DNAH12: variants seen among roughly 807,000 people sequenced by gnomAD.
DNAH12 encodes the protein dynein axonemal heavy chain 12, also known as axonemal beta dynein heavy chain 12.
Under a neutral mutation model 371.5 loss-of-function variants are expected in DNAH12, and 285 were observed. The observed-to-expected ratio is 0.77, with a 90% CI of 0.70 to 0.85. DNAH12 has a LOEUF of 0.85. Ranked by LOEUF, DNAH12 falls within the 40% of genes least tolerant of loss-of-function variation. The pLI, the probability that DNAH12 is intolerant of heterozygous loss-of-function variation, is 0.00. For synonymous variants in DNAH12, 1,200 were observed against 1,213.0 expected (o/e 0.99, Z 0.22); for missense variants, 3,611 against 3,689.4 (o/e 0.98, Z 0.55).
Position 57,386,831 on chromosome 3 carries a change from C to T in DNAH12, c.7440-228G>A, listed in dbSNP as rs939370589. On this transcript the variant is annotated intron_variant, in intron 46 of 73. Coordinates refer to ENST00000495027, the MANE Select transcript of DNAH12 (RefSeq NM_001366028.2). ...TCAAAAGGCACAAATCAAGTGAGATCCTATCTTTTAAAAAACCACAAATCA... is the reference window on the plus strand; with the variant it reads ...TCAAAAGGCACAAATCAAGTGAGATTCTATCTTTTAAAAAACCACAAATCA... Among the ~76,000 whole-genome samples the T allele has an allele frequency of 2.6e-3, 400 of 152,256 alleles. 1 individual carries two copies. Among genetic ancestry groups the T allele is most frequent in the Non-Finnish European group, 4.6e-3 (310 of 68,010 alleles).
chr3:57,374,239 C>G (rs1433382825), intron 55 of DNAH12, among the ~76,000 whole-genome samples: 1 of 152,092 alleles, frequency 6.6e-6, no homozygotes, highest in South Asian at 2.1e-4. Context: ...ATTTCCTCAT[C>G]TATAAAATGG....
At chr3:57,467,376 C>T (rs2066236345) in intron 17 of DNAH12, among the ~76,000 whole-genome samples, 1 of 152,176 alleles carries the variant, frequency 6.6e-6, no homozygotes, top group Admixed American at 6.5e-5. Context: ...CCTGCCTCAG[C>T]CTCCCAAAGT....
rs551375023 is a variant in DNAH12 at position 57,448,140 on chromosome 3, G to A, written c.3787-1451C>T. On this transcript the variant is annotated intron_variant, in intron 25 of 73. Coordinates refer to ENST00000495027, the MANE Select transcript of DNAH12 (RefSeq NM_001366028.2). ...TGTGTCTGGAATTGGTGGGTGCTTG[G>A]TCTCACTGACTTCAAGAATGAAGCC... Among the ~76,000 whole-genome samples the A allele has an allele frequency of 1.1e-4, 16 of 152,272 alleles. No homozygotes were observed. The South Asian group carries it at 2.5e-3, about 24-fold the overall frequency.
chr3:57,485,377 G>A (rs1246514047), intron 12 of DNAH12, among the ~76,000 whole-genome samples: 1 of 151,996 alleles, frequency 6.6e-6, no homozygotes. Context: ...GTCCTTTGCT[G>A]TAACTTGGAT....
chr3:57,553,753 T>C, the DNAH12 span, among the ~76,000 whole-genome samples: 4 of 152,110 alleles, frequency 2.6e-5, no homozygotes, highest in East Asian at 7.7e-4. Flanking sequence ...CTTTAAAACA[T>C]CTAGCAAAGA....
intron 19 of DNAH12, among the ~76,000 whole-genome samples, chr3:57,460,333 G>T (rs1205151357): frequency 6.6e-6 from 1 of 151,988 alleles, no homozygotes; most frequent in Admixed American, 6.6e-5. Context: ...ACACAATTTG[G>T]AGAAAAATGA....
chr3:57,394,206 T>G lies in DNAH12; in HGVS notation c.7075A>C (p.Ile2359Leu), dbSNP rs968702388. 9.9e-5 allele frequency: 15 copies of G among 152,182 alleles called. No individual in the cohort carries two copies. The highest frequency in any genetic ancestry group is 3.6e-4 in the African/African-American group (15 of 41,426). The allele number at this position is 152,182 out of a possible 1,614,324, so 9.4% of individuals were successfully genotyped here. The change falls in exon 44 of 74, where the codon ATT (isoleucine) becomes CTT (leucine). Residue 2359 changes from isoleucine (I) to leucine (L), a missense_variant. By Grantham distance (5) the Ile-to-Leu change is conservative. Around this residue, in one of 3 missense-constraint regions of DNAH12, gnomAD observed 2,266 missense variants for 2,236.9 expected, o/e 1.01. Transcript: ENST00000495027. ...TCCTGCTTCTCATCTGCTGCAAAAA[T>G]GTTAGGCACTTCTCCTGTATTGAGC... ...SVLNTGEVPN[I>L]FAADEKQEVM... is the part of the protein sequence containing the mutation.
At chr3:57,534,954 C>T (rs2068978430) in intron 2 of DNAH12, among the ~76,000 whole-genome samples, 2 of 152,168 alleles carry the variant, frequency 1.3e-5, no homozygotes, top group African/African-American at 2.4e-5. Context: ...CAATGAATTA[C>T]TGTTTATTAT....
chr3:57,450,168 A>G (rs2065712146), intron 25 of DNAH12, among the ~76,000 whole-genome samples: 1 of 149,666 alleles, frequency 6.7e-6, no homozygotes. Context: ...GAATCACTTG[A>G]ACCTGGGAGG....
chr3:57,331,843 G>A (rs912086509), intron 62 of DNAH12, among the ~76,000 whole-genome samples: 1 of 152,054 alleles, frequency 6.6e-6, no homozygotes, highest in African/African-American at 2.4e-5. Context: ...AGTTTAGTGA[G>A]AGTCCCCTAC....
intron 69 of DNAH12, among the ~76,000 whole-genome samples, chr3:57,302,566 T>G (rs1292941566): frequency 2.5e-5 from 2 of 80,646 alleles, no homozygotes; most frequent in African/African-American, 1.1e-4. Context: ...TATATATATG[T>G]ATTTTTTTTT....
At chr3:57,368,895 T>C (rs1166188948) in intron 55 of DNAH12, among the ~76,000 whole-genome samples, 1 of 152,114 alleles carries the variant, frequency 6.6e-6, no homozygotes, top group African/African-American at 2.4e-5. Context: ...GTACAGTACA[T>C]TAAATTTTCT....
At chr3:57,350,979 C>T (rs574733082) in intron 60 of DNAH12, among the ~76,000 whole-genome samples, 21 of 151,984 alleles carry the variant, frequency 1.4e-4, no homozygotes, top group African/African-American at 4.6e-4. Context: ...CAATATAAAA[C>T]GTTGGTGGGG....
chr3:57,496,298 C>A (rs977782962), intron 11 of DNAH12, among the ~76,000 whole-genome samples: 1 of 151,974 alleles, frequency 6.6e-6, no homozygotes, highest in Non-Finnish European at 1.5e-5. Context: ...ATAATAAAGT[C>A]TGGTATTTTA....
intron 10 of DNAH12, among the ~76,000 whole-genome samples, chr3:57,502,020 C>A (rs1487656706): frequency 6.6e-6 from 1 of 152,090 alleles, no homozygotes; most frequent in Non-Finnish European, 1.5e-5. Context: ...CATTCTCCTG[C>A]CTCAGCCTCC....
At chr3:57,537,278 C>T (rs2069085996) in intron 2 of DNAH12, among the ~76,000 whole-genome samples, 2 of 152,090 alleles carry the variant, frequency 1.3e-5, no homozygotes, top group Admixed American at 6.6e-5. Context: ...TAAATAAAAA[C>T]TTGATAATTT....
At chr3:57,428,488 A>G (rs1418513176) in intron 34 of DNAH12, 145 bp downstream of exon 34, 6 of 1,532,852 alleles carry the variant, frequency 3.9e-6, no homozygotes, top group South Asian at 1.3e-5. Flanking sequence ...CTATAACTTA[A>G]GCAATATAAA....
intron 69 of DNAH12, among the ~76,000 whole-genome samples, chr3:57,307,284 T>G (rs371942171): frequency 7.9e-5 from 12 of 152,270 alleles, no homozygotes; most frequent in African/African-American, 2.6e-4. Context: ...AAAGGAAACC[T>G]AGCTGACCCC....
intron 45 of DNAH12, among the ~76,000 whole-genome samples, chr3:57,388,395 A>C (rs1201335730): frequency 6.6e-6 from 1 of 152,054 alleles, no homozygotes. Flanking sequence ...CCTTTCATTT[A>C]GTTTCAATAA....
Sources: gnomAD v4.1 joint callset for allele counts (sites outside exome capture counted in the v4.1 genomes callset) on GRCh38, gnomAD v4.1.1 for gene constraint, gnomAD v4.1.1 regional missense constraint, MANE v1.5 for transcripts, NCBI Gene and HGNC (gene_info 2026-07-23, HGNC 2026-07-21) for gene names.